The following CTNNA3 variants were observed in gnomAD, a reference collection of about 807,000 sequenced individuals.
The protein encoded by CTNNA3 is catenin alpha 3.
In CTNNA3, 76 loss-of-function variants were observed where a neutral mutation model predicts 95.7. The observed-to-expected ratio is 0.79, with a 90% CI of 0.66 to 0.96. The LOEUF is 0.96. Ranked by LOEUF, CTNNA3 falls within the 40% of genes least tolerant of loss-of-function variation. The pLI is 0.00. For synonymous variants in CTNNA3, 431 were observed against 374.4 expected (o/e 1.15, Z -1.74); for missense variants, 1,191 against 1,089.8 (o/e 1.09, Z -1.31).
In CTNNA3 at chr10:66,766,258, G is replaced by A; in HGVS notation, c.1281+6C>T. The A allele has an allele frequency of 6.2e-7, 1 of 1,613,204 alleles. No individual in the cohort carries two copies. The stretch of plus-strand genomic sequence containing the variant: ...CTTTAGTGAGTTACAGTTCTAGCAT[G>A]CTTACCTCTACAAGCCTGCTGGTGT... On this transcript the variant is annotated splice_donor_region_variant and intron_variant, in intron 9 of 17. Transcript: ENST00000433211.
intron 7 of CTNNA3, among the ~76,000 whole-genome samples, chr10:67,011,650 A>G (rs1852347539): frequency 6.6e-6 from 1 of 152,198 alleles, no homozygotes. Flanking sequence ...AACTTTAATA[A>G]TGATGATGAT....
At chr10:67,097,265 C>T (rs977577830) in intron 7 of CTNNA3, among the ~76,000 whole-genome samples, 12 of 151,912 alleles carry the variant, frequency 7.9e-5, no homozygotes, top group African/African-American at 1.7e-4. Flanking sequence ...GTTCTAAAAA[C>T]ACAATTATTT....
At chr10:66,457,600 C>T (rs1337133700) in intron 11 of CTNNA3, among the ~76,000 whole-genome samples, 1 of 148,484 alleles carries the variant, frequency 6.7e-6, no homozygotes, top group East Asian at 1.9e-4. Context: ...CGAAAACAAG[C>T]CAAAGTTCTA....
intron 6 of CTNNA3, among the ~76,000 whole-genome samples, chr10:67,219,377 A>C (rs950897780): frequency 3.3e-5 from 5 of 152,148 alleles, no homozygotes. Context: ...TAACAATCCC[A>C]CTTCAAATTC....
rs186894059 is a variant in CTNNA3 at position 67,158,682 on chromosome 10, C to G, written c.1047+21635G>C. ...TTCCCAGCACTAGGAGAACTTAAAA[C>G]TCTTATAATAAAAGTTATGATAGTA... On this transcript the variant is annotated intron_variant, in intron 7 of 17. Transcript: ENST00000433211. Among the ~76,000 whole-genome samples, 185 of 152,260 alleles carry G rather than the reference C, an allele frequency of 1.2e-3. 2 individuals are homozygous for G. Among genetic ancestry groups the G allele is most frequent in the African/African-American group, 4.4e-3 (182 of 41,560 alleles).
rs371229910 is a variant in CTNNA3, at chr10:67,086,669, A to T, written c.1047+93648T>A. Reference sequence around the variant, plus strand: ...TGGGCTATTAGAAGTCATGAGACACACACACAAACATAAATGCCAATGTTC... The same window carrying T: ...TGGGCTATTAGAAGTCATGAGACACTCACACAAACATAAATGCCAATGTTC... On this transcript the variant is annotated intron_variant, in intron 7 of 17. Coordinates refer to ENST00000433211, the MANE Select transcript of CTNNA3 (RefSeq NM_013266.4). Among the ~76,000 whole-genome samples, 35 of 152,136 alleles carry T rather than the reference A, an allele frequency of 2.3e-4. No homozygotes were observed. In the East Asian group the frequency reaches 6.2e-3, roughly 27 times the overall value.
At chr10:66,805,837 C>T (rs1223660154) in intron 7 of CTNNA3, among the ~76,000 whole-genome samples, 2 of 151,754 alleles carry the variant, frequency 1.3e-5, no homozygotes, top group Non-Finnish European at 2.9e-5. Flanking sequence ...GTTTTTGTAC[C>T]AGGAGGCTGA....
At position 66,052,999 on chromosome 10, in the gene CTNNA3, G is replaced by A. The variant is rs2079994827; in HGVS notation, c.2159+16309C>T. Among the ~76,000 whole-genome samples, 3 of 151,980 alleles carry A rather than the reference G, an allele frequency of 2.0e-5. No individual in the cohort carries two copies. In the South Asian group the frequency reaches 6.2e-4, roughly 32 times the overall value. On this transcript the variant is annotated intron_variant, in intron 15 of 17. Coordinates refer to ENST00000433211, the MANE Select transcript of CTNNA3 (RefSeq NM_013266.4). ...AGAATATATTCATTAAAGTACTGTA[G>A]AAGACCAAATAAATCCAAACTACTC...
intron 7 of CTNNA3, among the ~76,000 whole-genome samples, chr10:67,066,855 C>T (rs999719177): frequency 6.6e-6 from 1 of 152,126 alleles, no homozygotes; most frequent in Admixed American, 6.6e-5. Flanking sequence ...TATTAAAAAT[C>T]TGCCTTTAAT....
intron 5 of CTNNA3, among the ~76,000 whole-genome samples, chr10:67,492,636 T>G (rs1332901499): frequency 6.6e-6 from 1 of 152,216 alleles, no homozygotes; most frequent in Non-Finnish European, 1.5e-5. Flanking sequence ...CTACATTAGA[T>G]TAATCAGAGA....
At chr10:67,280,280 G>C (rs77848492) in intron 5 of CTNNA3, among the ~76,000 whole-genome samples, 6,165 of 150,244 alleles carry the variant, frequency 0.041, 619 homozygotes, top group East Asian at 0.25. Context: ...AGAAGACTAA[G>C]GAATGTAACC....
intron 9 of CTNNA3, among the ~76,000 whole-genome samples, chr10:66,755,621 T>C (rs779736595): frequency 9.9e-5 from 15 of 152,102 alleles, no homozygotes; most frequent in Admixed American, 6.6e-5. Flanking sequence ...TTCTTATACA[T>C]TGTTAGTGGG....
chr10:67,294,257 T>C (rs1445302541), intron 5 of CTNNA3, among the ~76,000 whole-genome samples: 1 of 152,056 alleles, frequency 6.6e-6, no homozygotes, highest in Non-Finnish European at 1.5e-5. Context: ...CAAATATATA[T>C]AAGGAAATCT....
At chr10:66,596,856 G>A (rs1275442604) in intron 10 of CTNNA3, among the ~76,000 whole-genome samples, 2 of 151,960 alleles carry the variant, frequency 1.3e-5, no homozygotes, top group South Asian at 2.1e-4. Flanking sequence ...TCTAACAATT[G>A]TCTAACAAAG....
intron 15 of CTNNA3, among the ~76,000 whole-genome samples, chr10:66,032,668 T>G (rs2079472178): frequency 6.6e-6 from 1 of 152,226 alleles, no homozygotes; most frequent in African/African-American, 2.4e-5. Context: ...CACAACCATG[T>G]TCTCATTTCT....
At chr10:67,632,165 C>CACACACACAG (rs1491263572) in intron 2 of CTNNA3, among the ~76,000 whole-genome samples, 2 of 148,002 alleles carry the variant, frequency 1.4e-5, no homozygotes, top group African/African-American at 5.0e-5. Flanking sequence ...CACACACACA[C>CACACACACAG]AGTGGTAACT....
At chr10:66,461,868 AGTGGT>A (rs2093532244) in intron 11 of CTNNA3, among the ~76,000 whole-genome samples, 2 of 148,692 alleles carry the variant, frequency 1.3e-5, no homozygotes, top group South Asian at 2.1e-4. Flanking sequence ...GCTGGAGTAC[AGTGGT>A]GTGATCTTGG....
At chr10:67,551,476 T>C (rs1841030055) in intron 3 of CTNNA3, among the ~76,000 whole-genome samples, 1 of 152,070 alleles carries the variant, frequency 6.6e-6, no homozygotes, top group Non-Finnish European at 1.5e-5. Flanking sequence ...ATTCTTCTGG[T>C]ACACCAAGGC....
intron 13 of CTNNA3, among the ~76,000 whole-genome samples, chr10:66,153,505 C>T (rs1363053751): frequency 6.6e-6 from 1 of 151,872 alleles, no homozygotes; most frequent in Non-Finnish European, 1.5e-5. Flanking sequence ...TTCTTTTAGC[C>T]TTAGCTGCAG....
Sources: gnomAD v4.1 joint callset for allele counts (sites outside exome capture counted in the v4.1 genomes callset) on GRCh38, gnomAD v4.1.1 for gene constraint, MANE v1.5 for transcripts, NCBI Gene and HGNC (gene_info 2026-07-23, HGNC 2026-07-21) for gene names.